DLGAP1: variants seen among roughly 807,000 people sequenced by gnomAD.
DLGAP1 encodes the protein DLG associated protein 1, also known as disks large-associated protein 1.
Under a neutral mutation model 90.8 loss-of-function variants are expected in DLGAP1, and 11 were observed. That is an observed-to-expected ratio of 0.12 (90% confidence interval 0.08 to 0.20). The LOEUF (loss-of-function observed/expected upper bound fraction) is 0.20. Ranked by LOEUF, DLGAP1 falls within the 10% of genes least tolerant of loss-of-function variation. The pLI is 1.00. For synonymous variants in DLGAP1, 558 were observed against 540.7 expected, an observed-to-expected ratio of 1.03 and a Z score of -0.44; for missense variants, 1,050 against 1,333.8, an observed-to-expected ratio of 0.79 and a Z score of 3.31.
intron 10 of DLGAP1, among the ~76,000 whole-genome samples, chr18:3,513,792 A>G (rs1568107465): frequency 6.6e-6 from 1 of 152,222 alleles, no homozygotes; most frequent in Admixed American, 6.5e-5. Context: ...TCTCCTGACT[A>G]CATTCAAAGA....
chr18:3,632,392 C>T (rs998066311), intron 7 of DLGAP1, among the ~76,000 whole-genome samples: 2 of 151,746 alleles, frequency 1.3e-5, no homozygotes, highest in Non-Finnish European at 2.9e-5. Context: ...ACCTCCGCCT[C>T]CCAGGTTCAA....
intron 3 of DLGAP1, among the ~76,000 whole-genome samples, chr18:3,889,899 G>A (rs906215941): frequency 2.0e-5 from 3 of 152,220 alleles, no homozygotes; most frequent in African/African-American, 7.2e-5. Flanking sequence ...GAGTGTGTGT[G>A]GAGGGAAGAG....
At chr18:3,766,163 A>G (rs983096220) in intron 5 of DLGAP1, among the ~76,000 whole-genome samples, 4 of 152,182 alleles carry the variant, frequency 2.6e-5, no homozygotes, top group African/African-American at 9.7e-5. Flanking sequence ...AACATTAATT[A>G]AAGGAAAATA....
At chr18:3,556,875 G>C (rs2053781233) in intron 9 of DLGAP1, among the ~76,000 whole-genome samples, 1 of 152,132 alleles carries the variant, frequency 6.6e-6, no homozygotes, top group Admixed American at 6.5e-5. Flanking sequence ...CAACACGTTG[G>C]GAGGCCAAGG....
At chr18:4,059,779 C>T (rs994451679) in intron 2 of DLGAP1, among the ~76,000 whole-genome samples, 6 of 152,100 alleles carry the variant, frequency 3.9e-5, no homozygotes, top group South Asian at 2.1e-4. Context: ...CCTTAGAACT[C>T]GTGCCCTTAG....
Position 3,497,351 on chromosome 18 carries a change from G to A in DLGAP1, c.*1834C>T, listed in dbSNP as rs540539008. On this transcript the variant is annotated 3_prime_UTR_variant, in exon 13 of 13. Transcript: ENST00000315677. ...GTTCACCCTAGTTAAAAGTTGGTTC[G>A]TTGGTTTCAAAATAAGTGAGTAGCC... The A allele has an allele frequency of 4.6e-5, 7 of 152,258 alleles. No individual in the cohort carries two copies. The highest frequency in any genetic ancestry group is 2.0e-4 in the Admixed American group (3 of 15,298). 9.4% of individuals were successfully genotyped at this position (152,258 alleles called of 1,614,324 possible).
intron 7 of DLGAP1, among the ~76,000 whole-genome samples, chr18:3,694,127 A>G (rs1213450643): frequency 4.0e-5 from 6 of 151,118 alleles, no homozygotes; most frequent in African/African-American, 1.5e-4. Flanking sequence ...TATGAGTAAG[A>G]ACATGTTGTG....
chr18:3,993,978 C>A (rs924846184), intron 3 of DLGAP1, among the ~76,000 whole-genome samples: 1 of 152,108 alleles, frequency 6.6e-6, no homozygotes, highest in African/African-American at 2.4e-5. Flanking sequence ...TGTTGTTTTC[C>A]TTTTGGTTTG....
chr18:3,627,960 C>T (rs1414832588), intron 7 of DLGAP1, among the ~76,000 whole-genome samples: 1 of 146,966 alleles, frequency 6.8e-6, no homozygotes, highest in Non-Finnish European at 1.5e-5. Flanking sequence ...TCACTGCAAC[C>T]TCCCACCTCC....
At chr18:3,529,810 T>C (rs530595554) in intron 10 of DLGAP1, among the ~76,000 whole-genome samples, 1 of 152,338 alleles carries the variant, frequency 6.6e-6, no homozygotes, top group East Asian at 1.9e-4. Context: ...TTCCCTCATG[T>C]TCATTATCTT....
At chr18:4,355,566 AAC>A (rs1567856748) in intron 1 of DLGAP1, among the ~76,000 whole-genome samples, 3 of 152,046 alleles carry the variant, frequency 2.0e-5, no homozygotes. Context: ...AATTAAATGG[AAC>A]ACACACTGTC....
chr18:4,324,361 G>C (rs980134067), intron 1 of DLGAP1, among the ~76,000 whole-genome samples: 1 of 150,828 alleles, frequency 6.6e-6, no homozygotes, highest in Non-Finnish European at 1.5e-5. Flanking sequence ...CTCTGAAATT[G>C]AATCAGTCAT....
intron 2 of DLGAP1, among the ~76,000 whole-genome samples, chr18:4,137,892 T>C (rs1488817218): frequency 6.6e-6 from 1 of 152,114 alleles, no homozygotes; most frequent in Non-Finnish European, 1.5e-5. Flanking sequence ...AGGGATTACT[T>C]TTCTGATTTC....
At chr18:4,265,282 C>T (rs1298536928) in intron 1 of DLGAP1, among the ~76,000 whole-genome samples, 4 of 152,030 alleles carry the variant, frequency 2.6e-5, no homozygotes, top group African/African-American at 9.7e-5. Flanking sequence ...CATTCTCCTG[C>T]CTCAGCCTCT....
intron 1 of DLGAP1, among the ~76,000 whole-genome samples, chr18:4,198,094 G>T (rs1357244429): frequency 6.6e-6 from 1 of 151,966 alleles, no homozygotes; most frequent in East Asian, 1.9e-4. Context: ...CGTGGTGGTG[G>T]GCGCCTGTAC....
chr18:3,971,367 A>G (rs1166364795), intron 3 of DLGAP1, among the ~76,000 whole-genome samples: 1 of 152,186 alleles, frequency 6.6e-6, no homozygotes, highest in Non-Finnish European at 1.5e-5. Context: ...TACCGATGGT[A>G]ACAAATTTTA....
intron 1 of DLGAP1, among the ~76,000 whole-genome samples, chr18:4,394,251 C>G (rs964087215): frequency 6.6e-6 from 1 of 152,108 alleles, no homozygotes; most frequent in Non-Finnish European, 1.5e-5. Context: ...CTAGATGACA[C>G]GGATTTCGCT....
At chr18:4,162,552 A>G (rs1005619035) in intron 1 of DLGAP1, among the ~76,000 whole-genome samples, 1 of 152,220 alleles carries the variant, frequency 6.6e-6, no homozygotes, top group African/African-American at 2.4e-5. Context: ...CTGAAATCCA[A>G]AAATTCCACC....
rs576518169 is a variant in DLGAP1, at chr18:4,334,101, G to A, written c.-267+120905C>T. ...TAAAAACACAAAATTAGCTGGGGGT[G>A]GTGGCACATGCCTGTAATCCCAGGT... On this transcript the variant is annotated intron_variant, in intron 1 of 12. Coordinates refer to ENST00000315677, the MANE Select transcript of DLGAP1 (RefSeq NM_004746.4). 1.8e-4 allele frequency among the ~76,000 whole-genome samples: 28 copies of A among 151,594 alleles called. 1 individual carries two copies. The South Asian group carries it at 3.5e-3, about 19-fold the overall frequency.
Sources: gnomAD v4.1 joint callset for allele counts (sites outside exome capture counted in the v4.1 genomes callset) on GRCh38, gnomAD v4.1.1 for gene constraint, MANE v1.5 for transcripts, NCBI Gene and HGNC (gene_info 2026-07-23, HGNC 2026-07-21) for gene names.